Variants in FILIP1L observed in about 807,000 individuals in gnomAD.
The protein encoded by FILIP1L is filamin A-interacting protein 1-like.
FILIP1L carries 55 observed loss-of-function variants against 96.6 expected under a neutral mutation model. That is an observed-to-expected ratio of 0.57 (90% CI 0.46 to 0.71). The LOEUF (loss-of-function observed/expected upper bound fraction) is 0.71, where lower values mean the gene tolerates loss of function less well. FILIP1L is among the 30% of genes least tolerant of loss of function. The pLI is 0.00. For synonymous variants in FILIP1L, 467 were observed against 473.9 expected, an observed-to-expected ratio of 0.99 and a Z score of 0.19; for missense variants, 1,304 against 1,321.2, an observed-to-expected ratio of 0.99 and a Z score of 0.20.
intron 1 of FILIP1L, among the ~76,000 whole-genome samples, chr3:99,956,392 A>G (rs1272814511): frequency 3.9e-5 from 6 of 152,116 alleles, no homozygotes; most frequent in Admixed American, 2.0e-4. Context: ...TTGCTCTGTC[A>G]CCTAGGCTGG....
intron 4 of FILIP1L, among the ~76,000 whole-genome samples, chr3:99,890,028 C>T (rs1227822604): frequency 6.6e-6 from 1 of 152,094 alleles, no homozygotes; most frequent in Admixed American, 6.6e-5. Flanking sequence ...GGACCACTTT[C>T]CTTCAATCTA....
At chr3:99,855,533 C>T (rs1020708474) in intron 4 of FILIP1L, among the ~76,000 whole-genome samples, 1 of 152,114 alleles carries the variant, frequency 6.6e-6, no homozygotes, top group African/African-American at 2.4e-5. Flanking sequence ...AATTGAGGCT[C>T]ACAAAGGTCA....
chr3:100,009,338 G>A (rs1345621088), intron 1 of FILIP1L, among the ~76,000 whole-genome samples: 2 of 152,178 alleles, frequency 1.3e-5, no homozygotes, highest in South Asian at 4.1e-4. Flanking sequence ...CACTGAGGGA[G>A]TTAGAGTTCG....
intron 1 of FILIP1L, among the ~76,000 whole-genome samples, chr3:100,108,660 A>G (rs927350599): frequency 5.9e-5 from 9 of 151,718 alleles, no homozygotes; most frequent in Middle Eastern, 3.4e-3. Flanking sequence ...CTGTGTTACA[A>G]TTCCGAGATC....
chr3:100,055,807 G>A (rs1333249595), intron 1 of FILIP1L, among the ~76,000 whole-genome samples: 1 of 152,040 alleles, frequency 6.6e-6, no homozygotes, highest in Non-Finnish European at 1.5e-5. Flanking sequence ...TTTTAATATT[G>A]TACACATTCT....
chr3:99,948,774 AAGAGAAAGGAAAGAAAAAG>A (rs967923346), intron 1 of FILIP1L, among the ~76,000 whole-genome samples: 1 of 149,380 alleles, frequency 6.7e-6, no homozygotes, highest in African/African-American at 2.5e-5. Flanking sequence ...AGGAAAGAAA[AAGAGAAAGGAAAGAAAAAG>A]AGAAGAAAGA....
intron 1 of FILIP1L, among the ~76,000 whole-genome samples, chr3:100,081,405 A>G (rs1200602815): frequency 6.6e-6 from 1 of 152,222 alleles, no homozygotes; most frequent in Non-Finnish European, 1.5e-5. Context: ...GCCCACTGTC[A>G]TACTCTTAAG....
intron 1 of FILIP1L, among the ~76,000 whole-genome samples, chr3:100,030,017 C>T (rs2064996852): frequency 1.3e-5 from 2 of 152,108 alleles, no homozygotes; most frequent in African/African-American, 4.8e-5. Flanking sequence ...CTTCACATTT[C>T]TCTAGCATGG....
chr3:100,046,599 G>A (rs2065282878), intron 1 of FILIP1L, among the ~76,000 whole-genome samples: 1 of 152,120 alleles, frequency 6.6e-6, no homozygotes, highest in African/African-American at 2.4e-5. Flanking sequence ...AGAGAGGTTA[G>A]CAAAAGAGGG....
chr3:100,098,600 T>G (rs2066253058), intron 1 of FILIP1L, among the ~76,000 whole-genome samples: 1 of 152,204 alleles, frequency 6.6e-6, no homozygotes, highest in African/African-American at 2.4e-5. Context: ...TACCAGTACA[T>G]GCAAGGAAGT....
chr3:99,975,808 A>G (rs897867853), intron 1 of FILIP1L, among the ~76,000 whole-genome samples: 2 of 152,196 alleles, frequency 1.3e-5, no homozygotes, highest in Non-Finnish European at 1.5e-5. Context: ...GTTGAGTTGT[A>G]GAAGGAAAGT....
intron 1 of FILIP1L, among the ~76,000 whole-genome samples, chr3:99,996,942 C>A (rs557578479): frequency 6.6e-6 from 1 of 151,896 alleles, no homozygotes; most frequent in Non-Finnish European, 1.5e-5. Context: ...AAAATTTTTT[C>A]GAAACAAATG....
At chr3:99,966,338 T>G (rs902105465) in intron 1 of FILIP1L, among the ~76,000 whole-genome samples, 1 of 152,116 alleles carries the variant, frequency 6.6e-6, no homozygotes, top group Admixed American at 6.5e-5. Flanking sequence ...CCTTTCTGTT[T>G]CTTTCATAGC....
chr3:100,047,219 G>A (rs35669453), intron 1 of FILIP1L, among the ~76,000 whole-genome samples: 28,146 of 151,998 alleles, frequency 0.19, 2,947 homozygotes, highest in South Asian at 0.25. Flanking sequence ...AAAAACTATC[G>A]GAGGGAAGTG....
chr3:100,077,042 G>C (rs551338553), intron 1 of FILIP1L, among the ~76,000 whole-genome samples: 4 of 152,328 alleles, frequency 2.6e-5, no homozygotes, highest in African/African-American at 9.6e-5. Context: ...GCTGGCCAGG[G>C]TACGCTTACA....
At chr3:100,008,492 C>G (rs548755149) in intron 1 of FILIP1L, among the ~76,000 whole-genome samples, 3 of 152,104 alleles carry the variant, frequency 2.0e-5, no homozygotes, top group South Asian at 2.1e-4. Flanking sequence ...TCCAGGACTT[C>G]TAGAGATTAG....
intron 1 of FILIP1L, among the ~76,000 whole-genome samples, chr3:100,011,153 T>C (rs1710144879): frequency 6.6e-6 from 1 of 152,114 alleles, no homozygotes; most frequent in Non-Finnish European, 1.5e-5. Flanking sequence ...GCAAATTACT[T>C]TTCCCTAATG....
At chr3:99,847,861 A>T in intron 5 of FILIP1L, 1 of 824,300 alleles carries the variant, frequency 1.2e-6, no homozygotes, top group Non-Finnish European at 1.5e-6. Flanking sequence ...TAAGCAAAAG[A>T]CAAAATTCTA....
intron 1 of FILIP1L, among the ~76,000 whole-genome samples, chr3:100,039,595 G>A (rs183066736): frequency 2.2e-4 from 33 of 152,144 alleles, no homozygotes; most frequent in African/African-American, 7.5e-4. Flanking sequence ...AAATTTTTAG[G>A]AATCCAGAAG....
Sources: allele counts gnomAD v4.1 joint callset (sites outside exome capture counted in the v4.1 genomes callset), GRCh38; gene constraint gnomAD v4.1.1; transcripts MANE v1.5; gene names NCBI Gene and HGNC (gene_info 2026-07-23, HGNC 2026-07-21).